CEP112: variants seen among roughly 807,000 people sequenced by gnomAD.
The protein encoded by CEP112 is centrosomal protein of 112 kDa.
In CEP112, 127 loss-of-function variants were observed where a neutral mutation model predicts 153.0. That is an observed-to-expected ratio of 0.83 (90% CI 0.72 to 0.96). The LOEUF is 0.96. Ranked by LOEUF, CEP112 falls within the 40% of genes least tolerant of loss-of-function variation. CEP112 has a pLI of 0.00. For synonymous variants in CEP112, 358 were observed against 374.4 expected (o/e 0.96, Z 0.51); for missense variants, 1,089 against 1,101.2 (o/e 0.99, Z 0.16).
chr17:66,183,887 G>A (rs912449493), intron 1 of CEP112, among the ~76,000 whole-genome samples: 1 of 152,094 alleles, frequency 6.6e-6, no homozygotes, highest in Non-Finnish European at 1.5e-5. Flanking sequence ...GAAAGCATGG[G>A]AGGAAATCTT....
At chr17:65,750,798 A>T in intron 21 of CEP112, 74 bp from the exon 22 acceptor site, 4 of 1,398,270 alleles carry the variant, frequency 2.9e-6, no homozygotes, top group Non-Finnish European at 4.1e-6. Flanking sequence ...GCCTATCACC[A>T]GGCAGCTGGG....
At chr17:66,081,745 T>C (rs544076174) in intron 8 of CEP112, among the ~76,000 whole-genome samples, 232 of 152,130 alleles carry the variant, frequency 1.5e-3, no homozygotes, top group Non-Finnish European at 2.7e-3. Context: ...TGAAACCCTG[T>C]CTCTACTAAA....
chr17:66,168,274 T>C (rs1390161379), intron 4 of CEP112, among the ~76,000 whole-genome samples: 3 of 152,094 alleles, frequency 2.0e-5, no homozygotes, highest in Non-Finnish European at 4.4e-5. Flanking sequence ...CACATATGTA[T>C]CCACAGAGCC....
At chr17:65,809,871 T>C (rs1477975452) in intron 21 of CEP112, among the ~76,000 whole-genome samples, 1 of 151,252 alleles carries the variant, frequency 6.6e-6, no homozygotes, top group Non-Finnish European at 1.5e-5. Flanking sequence ...GAAGATAAGG[T>C]GGTGTTACTA....
chr17:66,151,715 C>T (rs554976574), intron 4 of CEP112, among the ~76,000 whole-genome samples: 5 of 152,196 alleles, frequency 3.3e-5, no homozygotes, highest in Non-Finnish European at 7.4e-5. Flanking sequence ...CAAAGACTGA[C>T]GCCCTCAGAG....
chr17:65,997,285 A>C (rs1212581946), intron 17 of CEP112, among the ~76,000 whole-genome samples: 1 of 152,162 alleles, frequency 6.6e-6, no homozygotes, highest in African/African-American at 2.4e-5. Context: ...TAAGCCTCCT[A>C]ACAGCATCTC....
intron 23 of CEP112, among the ~76,000 whole-genome samples, chr17:65,710,482 T>C (rs1180061685): frequency 6.6e-6 from 1 of 152,228 alleles, no homozygotes; most frequent in Non-Finnish European, 1.5e-5. Flanking sequence ...CCATGATATT[T>C]GTATGCGTGT....
At chr17:65,714,645 T>G (rs1371282476) in intron 23 of CEP112, among the ~76,000 whole-genome samples, 1 of 152,152 alleles carries the variant, frequency 6.6e-6, no homozygotes, top group African/African-American at 2.4e-5. Context: ...CTCTCCTAGC[T>G]TCACCTCCAT....
chr17:65,721,713 T>C (rs2049897421), intron 23 of CEP112, among the ~76,000 whole-genome samples: 1 of 152,168 alleles, frequency 6.6e-6, no homozygotes, highest in Admixed American at 6.5e-5. Context: ...AAGAGATCGT[T>C]ATTGATCAAC....
chr17:66,178,362 C>A (rs2072576858), intron 2 of CEP112, among the ~76,000 whole-genome samples: 1 of 152,260 alleles, frequency 6.6e-6, no homozygotes, highest in East Asian at 1.9e-4. Context: ...TGTATGTCTT[C>A]TATTGAGAAA....
At chr17:65,897,631 T>C (rs2143408983) in intron 20 of CEP112, among the ~76,000 whole-genome samples, 1 of 152,238 alleles carries the variant, frequency 6.6e-6, no homozygotes, top group African/African-American at 2.4e-5. Flanking sequence ...ACTTAAAATA[T>C]ACTTTCTTAT....
intron 21 of CEP112, among the ~76,000 whole-genome samples, chr17:65,829,956 C>G (rs1384969641): frequency 6.6e-6 from 1 of 152,048 alleles, no homozygotes; most frequent in Non-Finnish European, 1.5e-5. Flanking sequence ...CAAAGTAGTA[C>G]CATAAGTAAT....
At chr17:66,106,565 C>T (rs933615041) in intron 6 of CEP112, among the ~76,000 whole-genome samples, 1 of 151,972 alleles carries the variant, frequency 6.6e-6, no homozygotes, top group Admixed American at 6.6e-5. Flanking sequence ...AATTCCTAGA[C>T]ACATACAACC....
chr17:65,711,723 C>T (rs1030783838), intron 23 of CEP112, among the ~76,000 whole-genome samples: 1 of 152,154 alleles, frequency 6.6e-6, no homozygotes, highest in Non-Finnish European at 1.5e-5. Flanking sequence ...TTTCCATTCC[C>T]TCTATCTCCC....
At chr17:65,901,197 G>A (rs760620427) in intron 20 of CEP112, among the ~76,000 whole-genome samples, 1 of 152,068 alleles carries the variant, frequency 6.6e-6, no homozygotes, top group Non-Finnish European at 1.5e-5. Flanking sequence ...TATTATTTGC[G>A]GAGGAAGAAT....
rs138433066 is a variant in CEP112 at position 65,768,758 on chromosome 17, A to T, written c.2395-18034T>A. On this transcript the variant is annotated intron_variant, in intron 21 of 26. Transcript: ENST00000535342. Reference sequence around the variant, plus strand: ...GTCTGATTTGATAAAAACTTTTAACAGTTTAGATACAGAAGGAAAGTTCTT... The same window carrying T: ...GTCTGATTTGATAAAAACTTTTAACTGTTTAGATACAGAAGGAAAGTTCTT... Among the ~76,000 whole-genome samples, 1,178 of 152,234 alleles carry T rather than the reference A, an allele frequency of 7.7e-3. 20 individuals are homozygous for T. Among genetic ancestry groups the T allele is most frequent in the African/African-American group, 0.027 (1,103 of 41,542 alleles).
chr17:65,912,785 A>G lies in CEP112; in HGVS notation c.1981-10451T>C, dbSNP rs532440997. ...AATAGTTCAAGGGGCACATTGCTTT[A>G]AAGGATTGGCCATTAATAGACAGAT... On this transcript the variant is annotated intron_variant, in intron 19 of 26. Coordinates refer to ENST00000535342, the MANE Select transcript of CEP112 (RefSeq NM_001199165.4). Among the ~76,000 whole-genome samples the G allele has an allele frequency of 2.6e-5, 4 of 152,338 alleles. No homozygotes were observed. The East Asian group carries it at 7.7e-4, about 29-fold the overall frequency.
At chr17:65,968,662 A>T (rs1384874677) in intron 17 of CEP112, among the ~76,000 whole-genome samples, 1 of 152,182 alleles carries the variant, frequency 6.6e-6, no homozygotes, top group Non-Finnish European at 1.5e-5. Flanking sequence ...TTCACATATT[A>T]TTTGACGTTA....
At chr17:66,057,591 T>TAC in intron 11 of CEP112, among the ~76,000 whole-genome samples, 1 of 152,206 alleles carries the variant, frequency 6.6e-6, no homozygotes, top group African/African-American at 2.4e-5. Flanking sequence ...TTAGGGAATA[T>TAC]ACACACACAC....
Sources: gnomAD v4.1 joint callset for allele counts (sites outside exome capture counted in the v4.1 genomes callset) on GRCh38, gnomAD v4.1.1 for gene constraint, MANE v1.5 for transcripts, NCBI Gene and HGNC (gene_info 2026-07-23, HGNC 2026-07-21) for gene names.